Variants in CYB5R4 observed in about 807,000 individuals in gnomAD.
The protein encoded by CYB5R4 is cytochrome b5 reductase 4.
In CYB5R4, 55 loss-of-function variants were observed where a neutral mutation model predicts 70.2. The ratio of observed to expected loss-of-function variants is 0.78; its 90% confidence interval spans 0.63 to 0.98. The LOEUF (loss-of-function observed/expected upper bound fraction) is 0.98, where lower values mean the gene tolerates loss of function less well. CYB5R4 is among the 50% of genes least tolerant of loss of function. CYB5R4 has a pLI of 0.00. For missense variants in CYB5R4, 562 were observed against 612.6 expected, an observed-to-expected ratio of 0.92 and a Z score of 0.87; for synonymous variants, 197 against 199.5, an observed-to-expected ratio of 0.99 and a Z score of 0.11.
chr6:83,873,704 C>G (rs2099458021), intron 2 of CYB5R4, among the ~76,000 whole-genome samples: 1 of 152,104 alleles, frequency 6.6e-6, no homozygotes, highest in South Asian at 2.1e-4. Flanking sequence ...GTGCATTACA[C>G]CAGGTTCTGG....
rs955194277 is a variant in CYB5R4, at chr6:83,897,549, C to T, written c.330+3927C>T. On this transcript the variant is annotated intron_variant, in intron 3 of 15. Transcript: ENST00000369681. ...TGTTCCTGTTTCTCCACATCCTCTC[C>T]AGCACCTGTTGTTTCCTGACTTTTT... Among the ~76,000 whole-genome samples the T allele has an allele frequency of 3.3e-5, 5 of 152,334 alleles. No individual in the cohort carries two copies. The South Asian group carries it at 8.3e-4, about 25-fold the overall frequency.
chr6:83,903,901 AT>A (rs2099463383), intron 3 of CYB5R4, among the ~76,000 whole-genome samples: 1 of 151,344 alleles, frequency 6.6e-6, no homozygotes, highest in South Asian at 2.1e-4. Context: ...TCTCCTTTTC[AT>A]TTCTGATTTT....
chr6:83,922,619 C>CTTT (rs58965806), intron 9 of CYB5R4, 149 bp downstream of exon 9: 478 of 546,266 alleles, frequency 8.8e-4, no homozygotes, highest in African/African-American at 3.5e-3. Context: ...GATGTTTTCT[C>CTTT]TTTTTTTTTT....
Position 83,940,920 on chromosome 6 carries a change from C to T in CYB5R4, c.1346+319C>T, listed in dbSNP as rs534266616. 3.3e-5 allele frequency among the ~76,000 whole-genome samples: 5 copies of T among 152,160 alleles called. No individual in the cohort carries two copies. The East Asian group carries it at 9.7e-4, about 29-fold the overall frequency. ...CCAGTTTGGTAATGCAAGATTTTTC[C>T]TGTTATACTGGGGCTGATAAAATAA... On this transcript the variant is annotated intron_variant, in intron 14 of 15. Transcript: ENST00000369681.
chr6:83,937,739 G>A (rs1002420134), intron 12 of CYB5R4, among the ~76,000 whole-genome samples: 2 of 152,140 alleles, frequency 1.3e-5, no homozygotes, highest in African/African-American at 4.8e-5. Context: ...AGCTGGTCTC[G>A]AACTCCTAAC....
chr6:83,872,206 C>T (rs1204212692), intron 2 of CYB5R4, among the ~76,000 whole-genome samples: 1 of 152,164 alleles, frequency 6.6e-6, no homozygotes, highest in African/African-American at 2.4e-5. Flanking sequence ...AGATGTATTA[C>T]CCAGTCACAT....
intron 2 of CYB5R4, among the ~76,000 whole-genome samples, chr6:83,887,799 G>A (rs971867669): frequency 3.9e-5 from 6 of 152,032 alleles, no homozygotes; most frequent in Admixed American, 3.9e-4. Flanking sequence ...GTGGGTGAAT[G>A]GATAGATGGA....
intron 2 of CYB5R4, among the ~76,000 whole-genome samples, chr6:83,873,541 G>A (rs372696052): frequency 2.0e-5 from 3 of 152,024 alleles, no homozygotes; most frequent in Admixed American, 6.6e-5. Flanking sequence ...TTCTGAGACA[G>A]TTTTTATCTT....
intron 14 of CYB5R4, among the ~76,000 whole-genome samples, chr6:83,943,440 A>G (rs532024448): frequency 6.6e-6 from 1 of 152,260 alleles, no homozygotes; most frequent in South Asian, 2.1e-4. Context: ...AAGGATGACC[A>G]AGCAAACACT....
chr6:83,940,222 T>C lies in CYB5R4; in HGVS notation c.1259+16T>C, dbSNP rs982966667. 7 of 1,588,200 alleles carry C rather than the reference T, an allele frequency of 4.4e-6. No individual in the cohort carries two copies. Among genetic ancestry groups the C allele is most frequent in the African/African-American group, 2.7e-5 (2 of 73,686 alleles). ...CCAGTCTCAGGTATGTAATTTTGTC[T>C]CTAATTACGATCCTTTTTGAGGCTG... On this transcript the variant is annotated intron_variant, in intron 13 of 15. Transcript: ENST00000369681.
In CYB5R4 at chr6:83,955,320, T is replaced by G; in HGVS notation, c.1369T>G (p.Ser457Ala). The G allele has an allele frequency of 1.2e-6, 2 of 1,613,710 alleles. No homozygotes were observed. Among genetic ancestry groups the G allele is most frequent in the Non-Finnish European group, 1.7e-6 (2 of 1,179,766 alleles). ...TAGACTGGATGTTGAATTTGTTCTCTCAGCACCTATTTCTGAATGGAATGG... is the reference window on the plus strand; with the variant it reads ...TAGACTGGATGTTGAATTTGTTCTCGCAGCACCTATTTCTGAATGGAATGG... ...DKRLDVEFVL[S>A]APISEWNGKQ... The change falls in exon 15 of 16, where the codon TCA (serine) becomes GCA (alanine). Residue 457 changes from serine (S) to alanine (A), a missense_variant. Transcript: ENST00000369681.
intron 14 of CYB5R4, among the ~76,000 whole-genome samples, chr6:83,943,319 CAG>C (rs1350354013): frequency 1.3e-5 from 2 of 152,100 alleles, no homozygotes; most frequent in African/African-American, 2.4e-5. Flanking sequence ...CCCAGGAAAA[CAG>C]GGTCTAGAGT....
At chr6:83,948,170 C>A (rs2099470939) in intron 14 of CYB5R4, among the ~76,000 whole-genome samples, 1 of 152,164 alleles carries the variant, frequency 6.6e-6, no homozygotes, top group Non-Finnish European at 1.5e-5. Flanking sequence ...CACATTACAC[C>A]ATGGAATACT....
intron 5 of CYB5R4, among the ~76,000 whole-genome samples, chr6:83,916,219 G>A (rs551536266): frequency 2.0e-4 from 31 of 151,988 alleles, no homozygotes; most frequent in Admixed American, 4.6e-4. Context: ...CCAATTTGAG[G>A]AAGAGGAAAC....
At chr6:83,909,701 CT>C (rs1207740393) in intron 4 of CYB5R4, among the ~76,000 whole-genome samples, 1 of 152,128 alleles carries the variant, frequency 6.6e-6, no homozygotes, top group Non-Finnish European at 1.5e-5. Context: ...AGAGAGTTGC[CT>C]CATTAAATGG....
chr6:83,887,187 A>C (rs1316990560), intron 2 of CYB5R4, among the ~76,000 whole-genome samples: 1 of 152,142 alleles, frequency 6.6e-6, no homozygotes, highest in African/African-American at 2.4e-5. Context: ...TTTTTAAAAA[A>C]GTGGTGAGCT....
At chr6:83,862,013 A>G (rs1415333741) in intron 1 of CYB5R4, among the ~76,000 whole-genome samples, 1 of 152,216 alleles carries the variant, frequency 6.6e-6, no homozygotes, top group Non-Finnish European at 1.5e-5. Flanking sequence ...GTAATTTTTT[A>G]AAGGCACAGA....
Position 83,961,412 on chromosome 6 carries a change from TTGG to T in CYB5R4, c.*1538_*1540del, listed in dbSNP as rs1406571903. ...AATTCCCACATGTCGAGGGAGGGTCTTGGTGGGAGGTGATTGGATCATGGGAGT... is the reference window on the plus strand; with the variant it reads ...AATTCCCACATGTCGAGGGAGGGTCTTGGGAGGTGATTGGATCATGGGAGT... On this transcript the variant is annotated 3_prime_UTR_variant, in exon 16 of 16. Transcript: ENST00000369681. The T allele has an allele frequency of 1.3e-5, 2 of 152,060 alleles. No individual in the cohort carries two copies. Among genetic ancestry groups the T allele is most frequent in the Non-Finnish European group, 2.9e-5 (2 of 68,022 alleles). The allele number at this position is 152,060 out of a possible 1,614,324, so 9.4% of individuals were successfully genotyped here.
In CYB5R4 at chr6:83,955,445, T is replaced by C. The variant is rs765858226; in HGVS notation, c.1494T>C (p.Phe498=). ...TCTGCATTTGTGGACCAGTGCCATT[T>C]ACAGAACAAGGAGTAAGGTGAGTAA... The part of the protein sequence containing the change: ...VLVCICGPVP[F]TEQGVRLLHD... Residue 498 remains phenylalanine (F), a synonymous_variant, in exon 15 of 16, where the codon TTT becomes TTC. Coordinates refer to ENST00000369681, the MANE Select transcript of CYB5R4 (RefSeq NM_016230.4). The C allele has an allele frequency of 1.2e-6, 2 of 1,613,792 alleles. No homozygotes were observed. Among genetic ancestry groups the C allele is most frequent in the Non-Finnish European group, 1.7e-6 (2 of 1,179,794 alleles).
Sources: allele counts gnomAD v4.1 joint callset (sites outside exome capture counted in the v4.1 genomes callset), GRCh38; gene constraint gnomAD v4.1.1; transcripts MANE v1.5; gene names NCBI Gene and HGNC (gene_info 2026-07-23, HGNC 2026-07-21).